CDKAL1: variants seen among roughly 807,000 people sequenced by gnomAD.
CDKAL1 encodes CDKAL1 threonylcarbamoyladenosine tRNA methylthiotransferase.
In CDKAL1, 32 loss-of-function variants were observed where a neutral mutation model predicts 68.2. The observed-to-expected ratio is 0.47, with a 90% CI of 0.35 to 0.63. CDKAL1 has a LOEUF of 0.63. Among genes scored for constraint, CDKAL1 ranks in the 30% least tolerant of loss-of-function variants. CDKAL1 has a pLI of 0.00. For synonymous variants in CDKAL1, 234 were observed against 244.3 expected (o/e 0.96, Z 0.39); for missense variants, 606 against 696.7 (o/e 0.87, Z 1.47).
chr6:21,005,556 G>T (rs77049905), intron 11 of CDKAL1, among the ~76,000 whole-genome samples: 1,802 of 152,160 alleles, frequency 0.012, 43 homozygotes, highest in African/African-American at 0.04. Flanking sequence ...TTCTCACTTG[G>T]TAAATACAAT....
intron 8 of CDKAL1, among the ~76,000 whole-genome samples, chr6:20,795,387 G>A (rs185411605): frequency 2.2e-4 from 34 of 152,102 alleles, no homozygotes; most frequent in African/African-American, 7.9e-4. Context: ...ATGTCCTAAG[G>A]CATTCATTAT....
intron 5 of CDKAL1, among the ~76,000 whole-genome samples, chr6:20,651,211 G>C (rs572167838): frequency 6.6e-6 from 1 of 152,056 alleles, no homozygotes; most frequent in Non-Finnish European, 1.5e-5. Context: ...CCATTTGTTT[G>C]TTTCCTCTCT....
At chr6:20,700,901 T>G (rs1391193612) in intron 5 of CDKAL1, among the ~76,000 whole-genome samples, 1 of 151,716 alleles carries the variant, frequency 6.6e-6, no homozygotes, top group Non-Finnish European at 1.5e-5. Flanking sequence ...TTTGGGTTTT[T>G]TTTTTTTTTT....
intron 12 of CDKAL1, among the ~76,000 whole-genome samples, chr6:21,098,369 G>A (rs1370236318): frequency 6.6e-6 from 1 of 152,098 alleles, no homozygotes; most frequent in African/African-American, 2.4e-5. Context: ...GGGAATGAAG[G>A]ACAAAGCAAT....
chr6:20,948,053 T>C (rs1764339158), intron 9 of CDKAL1, among the ~76,000 whole-genome samples: 1 of 150,508 alleles, frequency 6.6e-6, no homozygotes, highest in Non-Finnish European at 1.5e-5. Context: ...GGTCTTACTC[T>C]GTTGCCCTGG....
At chr6:20,572,563 A>G (rs902664656) in intron 4 of CDKAL1, among the ~76,000 whole-genome samples, 3 of 152,186 alleles carry the variant, frequency 2.0e-5, no homozygotes, top group East Asian at 1.9e-4. Context: ...AGCAGTTTAC[A>G]TAGAAATGCT....
At chr6:20,603,142 G>C (rs1581800725) in intron 4 of CDKAL1, among the ~76,000 whole-genome samples, 1 of 152,178 alleles carries the variant, frequency 6.6e-6, no homozygotes, top group Admixed American at 6.5e-5. Context: ...ACCAATAAAA[G>C]AATCACCGTG....
chr6:21,012,719 G>T (rs902836199), intron 11 of CDKAL1, among the ~76,000 whole-genome samples: 6 of 152,136 alleles, frequency 3.9e-5, no homozygotes, highest in African/African-American at 1.4e-4. Context: ...CCTCTGTGAG[G>T]GATACGCCTT....
intron 15 of CDKAL1, among the ~76,000 whole-genome samples, chr6:21,226,199 G>GAGAT (rs1178574110): frequency 6.6e-6 from 1 of 152,014 alleles, no homozygotes; most frequent in South Asian, 2.1e-4. Flanking sequence ...GAAGGAAATA[G>GAGAT]AGATAGACTG....
intron 4 of CDKAL1, among the ~76,000 whole-genome samples, chr6:20,571,784 A>T (rs1764712255): frequency 2.0e-5 from 3 of 150,500 alleles, no homozygotes; most frequent in African/African-American, 5.0e-5. Context: ...GAGTAATTTT[A>T]AAAAATGCAT....
At chr6:20,909,798 A>G (rs762893124) in intron 9 of CDKAL1, among the ~76,000 whole-genome samples, 107 of 152,256 alleles carry the variant, frequency 7.0e-4, no homozygotes, top group Non-Finnish European at 1.1e-3. Flanking sequence ...TAAAGAAGGC[A>G]TGGTGCCAGG....
At chr6:21,173,536 A>T (rs1777472456) in intron 13 of CDKAL1, among the ~76,000 whole-genome samples, 1 of 152,234 alleles carries the variant, frequency 6.6e-6, no homozygotes, top group Non-Finnish European at 1.5e-5. Flanking sequence ...TGATGAGAAG[A>T]GAAGCTTGAG....
chr6:20,867,045 A>G (rs748441357), intron 9 of CDKAL1, among the ~76,000 whole-genome samples: 1 of 152,174 alleles, frequency 6.6e-6, no homozygotes, highest in Non-Finnish European at 1.5e-5. Flanking sequence ...CTATTTCTTC[A>G]TACCGTGAAA....
chr6:20,809,152 A>G (rs1776689315), intron 8 of CDKAL1, among the ~76,000 whole-genome samples: 1 of 152,160 alleles, frequency 6.6e-6, no homozygotes, highest in South Asian at 2.1e-4. Context: ...ACTCTTTCCA[A>G]AACAACTTAC....
intron 6 of CDKAL1, among the ~76,000 whole-genome samples, chr6:20,740,413 T>C (rs1321579153): frequency 6.6e-6 from 1 of 152,174 alleles, no homozygotes; most frequent in Non-Finnish European, 1.5e-5. Context: ...AATTACTCTT[T>C]GACTGAGTAA....
In CDKAL1 at chr6:20,929,062, A is replaced by C. The variant is rs1374056042; in HGVS notation, c.743-26357A>C. 2.6e-5 allele frequency among the ~76,000 whole-genome samples: 4 copies of C among 152,302 alleles called. No homozygotes were observed. In the East Asian group the frequency reaches 7.7e-4, roughly 29 times the overall value. The stretch of plus-strand genomic sequence containing the variant: ...GAAAGTACATTACCCGCCTCCCTGC[A>C]GTTTTAACCCTATACAGTGGAAGTG... On this transcript the variant is annotated intron_variant, in intron 9 of 15. Coordinates refer to ENST00000274695, the MANE Select transcript of CDKAL1 (RefSeq NM_017774.3).
At chr6:20,726,859 T>C (rs773406209) in intron 5 of CDKAL1, among the ~76,000 whole-genome samples, 1 of 152,182 alleles carries the variant, frequency 6.6e-6, no homozygotes, top group Non-Finnish European at 1.5e-5. Context: ...CCATATTCAC[T>C]TTGTGGTGGG....
At chr6:20,788,892 C>G (rs1358300782) in intron 8 of CDKAL1, among the ~76,000 whole-genome samples, 2 of 152,146 alleles carry the variant, frequency 1.3e-5, no homozygotes, top group Non-Finnish European at 2.9e-5. Context: ...AAAAAAAATT[C>G]ATCTTAGTCT....
intron 5 of CDKAL1, among the ~76,000 whole-genome samples, chr6:20,705,754 C>T (rs1229834462): frequency 6.6e-6 from 1 of 152,108 alleles, no homozygotes. Flanking sequence ...GAGTCTAGTA[C>T]TAGTTTTTAG....
Sources: allele counts gnomAD v4.1 joint callset (sites outside exome capture counted in the v4.1 genomes callset), GRCh38; gene constraint gnomAD v4.1.1; transcripts MANE v1.5; gene names NCBI Gene and HGNC (gene_info 2026-07-23, HGNC 2026-07-21).